Variants in DMXL1 observed in about 807,000 individuals in gnomAD.
The protein encoded by DMXL1 is Dmx like 1.
DMXL1 carries 99 observed loss-of-function variants against 319.2 expected under a neutral mutation model. That is an observed-to-expected ratio of 0.31 (90% confidence interval 0.26 to 0.37). The LOEUF (loss-of-function observed/expected upper bound fraction) is 0.37, where lower values mean the gene tolerates loss of function less well. DMXL1 is among the 10% of genes least tolerant of loss of function. The pLI, the probability that DMXL1 is intolerant of heterozygous loss-of-function variation, is 1.00. For synonymous variants in DMXL1, 1,385 were observed against 1,235.2 expected (o/e 1.12, Z -2.54); for missense variants, 3,745 against 3,595.6 (o/e 1.04, Z -1.06).
Position 119,149,271 on chromosome 5 carries a change from A to T in DMXL1, c.3444A>T (p.Glu1148Asp). Residue 1148 changes from glutamate (E) to aspartate (D), a missense_variant, in exon 18 of 44, where the codon GAA becomes GAT. By Grantham distance (45) the Glu-to-Asp change is conservative. Coordinates refer to ENST00000539542, the MANE Select transcript of DMXL1 (RefSeq NM_001290321.3). ...HLVHLDWMSR[E>D]DGSHILTVGI... ...TTCACTTAGATTGGATGTCTAGAGAAGACGGTTCTCATATCCTGACTGTAG... is the reference window on the plus strand; with the variant it reads ...TTCACTTAGATTGGATGTCTAGAGATGACGGTTCTCATATCCTGACTGTAG... The T allele has an allele frequency of 6.2e-7, 1 of 1,614,004 alleles. No individual in the cohort carries two copies. The highest frequency in any genetic ancestry group is 8.5e-7 in the Non-Finnish European group (1 of 1,179,898).
intron 29 of DMXL1, among the ~76,000 whole-genome samples, 160 bp from the exon 30 acceptor site, chr5:119,193,668 A>G (rs1779099235): frequency 1.3e-5 from 2 of 152,216 alleles, no homozygotes; most frequent in Admixed American, 1.3e-4. Flanking sequence ...ATGGAATAGT[A>G]TCAATTGATG....
rs35851317 is a variant in DMXL1 at position 119,155,826 on chromosome 5, C to CAAA, written c.4702+3806_4702+3808dup. The stretch of plus-strand genomic sequence containing the variant: ...TGGGCAACAGGAGGAGACCCTGTCT[C>CAAA]AAAAAAAAAAAAAAAAAACAAAACT... On this transcript the variant is annotated intron_variant, in intron 19 of 43. Coordinates refer to ENST00000539542, the MANE Select transcript of DMXL1 (RefSeq NM_001290321.3). Among the ~76,000 whole-genome samples, 176 of 84,702 alleles carry CAAA rather than the reference C, an allele frequency of 2.1e-3. 2 individuals are homozygous for CAAA. The highest frequency in any genetic ancestry group is 9.3e-3 in the South Asian group (25 of 2,700). The allele number at this position is 84,702 out of a possible 152,430, so 55.6% of individuals were successfully genotyped here. A position where few individuals can be genotyped will look rare whatever the true frequency, so the allele number is the denominator to read the frequency against.
chr5:119,220,881 A>G, intron 36 of DMXL1, 59 bp from the exon 37 acceptor site: 2 of 1,573,386 alleles, frequency 1.3e-6, no homozygotes, highest in Non-Finnish European at 1.7e-6. Context: ...TAGACCTTTC[A>G]AGTGTAAAAA....
Position 119,134,016 on chromosome 5 carries a change from C to G in DMXL1, c.2092C>G (p.Pro698Ala), listed in dbSNP as rs527501798. 1 of 1,614,150 alleles carries G rather than the reference C, an allele frequency of 6.2e-7. No individual in the cohort carries two copies. ...KSTVDVAFQD[P>A]SAVYSELILW... is the part of the protein sequence containing the mutation. Reference sequence around the variant, plus strand: ...CACTGTTGACGTGGCATTTCAGGATCCCAGTGCAGTTTACAGTGAGCTTAT... The same window carrying G: ...CACTGTTGACGTGGCATTTCAGGATGCCAGTGCAGTTTACAGTGAGCTTAT... The change falls in exon 12 of 44, where the codon CCC becomes GCC. Residue 698 changes from proline to alanine, a missense_variant. Pro to Ala is a conservative substitution (Grantham distance 27). Transcript: ENST00000539542.
At chr5:119,201,095 C>G (rs907918268) in intron 32 of DMXL1, among the ~76,000 whole-genome samples, 6 of 152,120 alleles carry the variant, frequency 3.9e-5, no homozygotes, top group African/African-American at 1.2e-4. Flanking sequence ...CCAGGACTTT[C>G]AATACTAGGT....
intron 8 of DMXL1, 109 bp downstream of exon 8, chr5:119,119,113 C>G: frequency 1.4e-6 from 1 of 733,278 alleles, no homozygotes; most frequent in Non-Finnish European, 2.0e-6. Context: ...GAAAATAATT[C>G]TTAGAAAATT....
At chr5:119,127,349 C>CTTTTTTTTT (rs371183556) in intron 9 of DMXL1, 1 of 135,072 alleles carries the variant, frequency 7.4e-6, no homozygotes. Context: ...GTCCTTTATC[C>CTTTTTTTTT]TTTTTTTTTT....
At position 119,146,907 on chromosome 5, in the gene DMXL1, ACT is replaced by A; in HGVS notation, c.2641_2642del (p.Leu881ValfsTer17). The A allele has an allele frequency of 6.2e-7, 1 of 1,612,184 alleles. No homozygotes were observed. On this transcript the variant is annotated frameshift_variant, in exon 16 of 44. Transcript: ENST00000539542. LOFTEE classifies it high-confidence loss of function. ...VIECTQDNRS[L>X]LHMWNLHLKS... ...TAGAATGCACTCAAGACAACCGTTC[ACT>A]GTTACACATGTGGAATTTACATCTA...
rs114946541 is a variant in DMXL1 at position 119,113,856 on chromosome 5, A to T, written c.498-619A>T. ...TGGATATCTTTATAAATAAATTTAG[A>T]ATTGACCTATCTAATCATGCATTTG... On this transcript the variant is annotated intron_variant, in intron 5 of 43. Transcript: ENST00000539542. 8.3e-3 allele frequency among the ~76,000 whole-genome samples: 1,264 copies of T among 152,354 alleles called. 14 individuals are homozygous for T. Among genetic ancestry groups the T allele is most frequent in the Non-Finnish European group, 0.013 (910 of 68,028 alleles).
intron 1 of DMXL1, among the ~76,000 whole-genome samples, chr5:119,096,464 C>T (rs1380296140): frequency 1.3e-5 from 2 of 152,140 alleles, no homozygotes; most frequent in East Asian, 3.8e-4. Flanking sequence ...GCATGAGCCA[C>T]CATGCCCAGC....
chr5:119,111,499 A>G (rs954421312), intron 5 of DMXL1, among the ~76,000 whole-genome samples: 2 of 152,196 alleles, frequency 1.3e-5, no homozygotes, highest in Non-Finnish European at 2.9e-5. Context: ...AAAATTACAT[A>G]TTTGGCTAAC....
intron 24 of DMXL1, 78 bp downstream of exon 24, chr5:119,171,358 T>A: frequency 7.2e-7 from 1 of 1,389,476 alleles, no homozygotes; most frequent in Non-Finnish European, 9.7e-7. Context: ...TTTTGAATAC[T>A]AAGACTTGAT....
At chr5:119,216,303 T>TG (rs982865684) in intron 34 of DMXL1, among the ~76,000 whole-genome samples, 15 of 152,064 alleles carry the variant, frequency 9.9e-5, no homozygotes, top group African/African-American at 3.6e-4. Flanking sequence ...TCTAAAGTAC[T>TG]TAGAATGGTG....
intron 1 of DMXL1, among the ~76,000 whole-genome samples, chr5:119,083,222 C>T (rs1580588255): frequency 1.3e-5 from 2 of 152,160 alleles, no homozygotes; most frequent in Middle Eastern, 3.4e-3. Flanking sequence ...AGATGGGTTT[C>T]GCCATGTTGA....
chr5:119,077,869 G>C (rs1751340013), intron 1 of DMXL1, among the ~76,000 whole-genome samples: 1 of 124,714 alleles, frequency 8.0e-6, no homozygotes, highest in African/African-American at 2.7e-5. Context: ...ACGTGTGTGT[G>C]TGTGTGTAGA....
intron 18 of DMXL1, among the ~76,000 whole-genome samples, chr5:119,151,393 A>C (rs1032892268): frequency 6.6e-6 from 1 of 152,322 alleles, no homozygotes; most frequent in Non-Finnish European, 1.5e-5. Context: ...ACAAAATTTA[A>C]ATTTAAGAAA....
chr5:119,141,112 A>G (rs912595989), intron 13 of DMXL1, among the ~76,000 whole-genome samples: 2 of 152,194 alleles, frequency 1.3e-5, no homozygotes, highest in Admixed American at 6.5e-5. Context: ...CCTCAGAATA[A>G]TAAGAGCTAT....
intron 10 of DMXL1, among the ~76,000 whole-genome samples, chr5:119,129,917 TTGA>T (rs1169702645): frequency 6.6e-6 from 1 of 152,214 alleles, no homozygotes; most frequent in African/African-American, 2.4e-5. Flanking sequence ...GCTACCTTGA[TTGA>T]CGCATATCAC....
chr5:119,211,917 T>A (rs762242269), intron 34 of DMXL1, among the ~76,000 whole-genome samples: 3 of 152,336 alleles, frequency 2.0e-5, no homozygotes, highest in Non-Finnish European at 4.4e-5. Context: ...CTGTTGCTTC[T>A]CTAATTGAAA....
Sources: gnomAD v4.1 joint callset for allele counts (sites outside exome capture counted in the v4.1 genomes callset) on GRCh38, gnomAD v4.1.1 for gene constraint, MANE v1.5 for transcripts, NCBI Gene and HGNC (gene_info 2026-07-23, HGNC 2026-07-21) for gene names.